CNTNAP2: variants seen among roughly 807,000 people sequenced by gnomAD.
CNTNAP2 encodes contactin associated protein 2.
In CNTNAP2, 98 loss-of-function variants were observed where a neutral mutation model predicts 155.2. That is an observed-to-expected ratio of 0.63 (90% confidence interval 0.54 to 0.75). The LOEUF is 0.75. Among genes scored for constraint, CNTNAP2 ranks in the 30% least tolerant of loss-of-function variants. The pLI is 0.00. For synonymous variants in CNTNAP2, 651 were observed against 631.2 expected, an observed-to-expected ratio of 1.03 and a Z score of -0.47; for missense variants, 1,727 against 1,688.1, an observed-to-expected ratio of 1.02 and a Z score of -0.40.
intron 8 of CNTNAP2, among the ~76,000 whole-genome samples, chr7:147,259,005 G>T (rs911675788): frequency 1.3e-5 from 2 of 152,174 alleles, no homozygotes; most frequent in African/African-American, 4.8e-5. Context: ...TGGAAGTATG[G>T]GATGGTTTCA....
intron 8 of CNTNAP2, among the ~76,000 whole-genome samples, chr7:147,194,114 A>T (rs1032561868): frequency 6.9e-6 from 1 of 145,102 alleles, no homozygotes; most frequent in East Asian, 2.1e-4. Context: ...CTGGTGTGTG[A>T]TGTTCCCCTC....
chr7:146,937,616 G>T (rs758069407), intron 3 of CNTNAP2, among the ~76,000 whole-genome samples: 6 of 152,098 alleles, frequency 3.9e-5, no homozygotes, highest in Non-Finnish European at 2.9e-5. Flanking sequence ...AGGCTGCAAA[G>T]GTTGGTAGTA....
intron 1 of CNTNAP2, among the ~76,000 whole-genome samples, chr7:146,546,350 A>G (rs1460054467): frequency 2.6e-5 from 4 of 152,000 alleles, no homozygotes; most frequent in African/African-American, 9.7e-5. Flanking sequence ...AAAGATTGGT[A>G]TTAGCAAGAG....
intron 13 of CNTNAP2, among the ~76,000 whole-genome samples, chr7:147,758,453 G>C (rs965748866): frequency 1.3e-5 from 2 of 152,200 alleles, no homozygotes; most frequent in Non-Finnish European, 2.9e-5. Flanking sequence ...TCAAGGAAGA[G>C]CCAAATATCC....
intron 1 of CNTNAP2, among the ~76,000 whole-genome samples, chr7:146,324,326 C>A (rs1801059295): frequency 6.6e-6 from 1 of 151,972 alleles, no homozygotes; most frequent in African/African-American, 2.4e-5. Context: ...GGTCTGAAAC[C>A]TAAGTAGGGA....
intron 1 of CNTNAP2, among the ~76,000 whole-genome samples, chr7:146,361,813 T>A (rs1795087008): frequency 6.6e-6 from 1 of 152,182 alleles, no homozygotes; most frequent in East Asian, 1.9e-4. Context: ...AAAAAGACAG[T>A]AAATAAATAT....
chr7:147,252,968 C>A (rs1427495302), intron 8 of CNTNAP2, among the ~76,000 whole-genome samples: 3 of 152,142 alleles, frequency 2.0e-5, no homozygotes, highest in African/African-American at 4.8e-5. Context: ...GTTCAACAAA[C>A]AATTCACTAG....
At chr7:148,303,214 A>T (rs1308659249) in intron 21 of CNTNAP2, among the ~76,000 whole-genome samples, 1 of 152,142 alleles carries the variant, frequency 6.6e-6, no homozygotes, top group Non-Finnish European at 1.5e-5. Context: ...ATTTAACTTG[A>T]TCCTGAAGAC....
chr7:147,167,296 CTG>C (rs1173966552), intron 8 of CNTNAP2: 3 of 431,850 alleles, frequency 6.9e-6, no homozygotes, highest in African/African-American at 4.1e-5. Context: ...TTTATAATCA[CTG>C]TAAACTTCTT....
chr7:147,805,879 C>A (rs1798082399), intron 13 of CNTNAP2, among the ~76,000 whole-genome samples: 1 of 152,064 alleles, frequency 6.6e-6, no homozygotes, highest in Non-Finnish European at 1.5e-5. Flanking sequence ...CAATGTAAGA[C>A]CTGAAACTAT....
intron 11 of CNTNAP2, among the ~76,000 whole-genome samples, chr7:147,524,059 T>A (rs1799274034): frequency 6.6e-6 from 1 of 152,224 alleles, no homozygotes; most frequent in Admixed American, 6.5e-5. Context: ...ATAGATCTCT[T>A]ATTCTTCACT....
At position 147,552,700 on chromosome 7, in the gene CNTNAP2, A is replaced by G. The variant is rs115161710; in HGVS notation, c.1778-9438A>G. ...TTCTCCACACTGTCCTTCAACAATG[A>G]GAATAAAATACGCCTTCTTCCTCCA... On this transcript the variant is annotated intron_variant, in intron 11 of 23. Transcript: ENST00000361727. Among the ~76,000 whole-genome samples, 982 of 152,270 alleles carry G rather than the reference A, an allele frequency of 6.4e-3. 12 individuals carry two copies. The highest frequency in any genetic ancestry group is 0.022 in the African/African-American group (923 of 41,548).
At chr7:147,670,306 G>A (rs986928798) in intron 13 of CNTNAP2, among the ~76,000 whole-genome samples, 16 of 152,154 alleles carry the variant, frequency 1.1e-4, no homozygotes, top group African/African-American at 3.9e-4. Context: ...ATTCGCCAGG[G>A]ATGTGAATGC....
chr7:146,864,634 T>C (rs1440880150), intron 3 of CNTNAP2, among the ~76,000 whole-genome samples: 4 of 152,128 alleles, frequency 2.6e-5, no homozygotes, highest in African/African-American at 9.7e-5. Context: ...GGCCTGTCTG[T>C]GTTCATAGAT....
intron 10 of CNTNAP2, among the ~76,000 whole-genome samples, chr7:147,428,929 C>G (rs1008441764): frequency 2.5e-4 from 38 of 152,006 alleles, no homozygotes; most frequent in African/African-American, 8.9e-4. Flanking sequence ...TCTCATCCCC[C>G]TCCCACTCTT....
chr7:147,365,383 G>GAAAAAAAAAAAAAAAAAAAAAAA (rs10557373), intron 9 of CNTNAP2, among the ~76,000 whole-genome samples: 5 of 93,652 alleles, frequency 5.3e-5, no homozygotes, highest in African/African-American at 4.3e-5. Flanking sequence ...ATCTCAAAAA[G>GAAAAAAAAAAAAAAAAAAAAAAA]AAAAAAAAAA....
intron 13 of CNTNAP2, among the ~76,000 whole-genome samples, chr7:147,747,352 A>G (rs1178315750): frequency 3.3e-5 from 5 of 152,198 alleles, no homozygotes; most frequent in Non-Finnish European, 7.3e-5. Context: ...TGAAACCACA[A>G]GTGTTTTTAG....
intron 19 of CNTNAP2, among the ~76,000 whole-genome samples, chr7:148,218,712 A>G (rs1795689529): frequency 6.6e-6 from 1 of 151,972 alleles, no homozygotes; most frequent in Non-Finnish European, 1.5e-5. Context: ...TTTACTTGTA[A>G]TATCCTGGGC....
chr7:146,253,425 A>G (rs989602006), intron 1 of CNTNAP2, among the ~76,000 whole-genome samples: 2 of 152,246 alleles, frequency 1.3e-5, no homozygotes, highest in African/African-American at 4.8e-5. Context: ...CAGCGATCAC[A>G]TACACCTGCA....
Sources: gnomAD v4.1 joint callset for allele counts (sites outside exome capture counted in the v4.1 genomes callset) on GRCh38, gnomAD v4.1.1 for gene constraint, MANE v1.5 for transcripts, NCBI Gene and HGNC (gene_info 2026-07-23, HGNC 2026-07-21) for gene names.